CLU: variants seen among roughly 807,000 people sequenced by gnomAD.
CLU encodes the protein clusterin.
In CLU, 25 loss-of-function variants were observed where a neutral mutation model predicts 46.4. The observed-to-expected ratio is 0.54, with a 90% CI of 0.39 to 0.75. The LOEUF is 0.75. Among genes scored for constraint, CLU ranks in the 30% least tolerant of loss-of-function variants. CLU has a pLI of 0.00. For missense variants in CLU, 504 were observed against 592.1 expected, an observed-to-expected ratio of 0.85 and a Z score of 1.54; for synonymous variants, 235 against 235.1, an observed-to-expected ratio of 1.00 and a Z score of 0.00.
intron 1 of CLU, chr8:27,614,407 A>ACC (rs200099845): frequency 3.1e-5 from 9 of 288,512 alleles, no homozygotes; most frequent in Middle Eastern, 1.3e-3. Flanking sequence ...TGTTCTATTT[A>ACC]CCCCCCCACC....
intron 4 of CLU, among the ~76,000 whole-genome samples, chr8:27,605,903 G>A (rs565435768): frequency 2.6e-4 from 40 of 152,220 alleles, no homozygotes; most frequent in African/African-American, 9.4e-4. Flanking sequence ...AGCTGGGTGT[G>A]GTGGTACGTG....
Position 27,596,927 on chromosome 8 carries a change from AAC to A in CLU, c.*1312_*1313del. ...GTGGAAAAGAAAAAGTAACTTTTGA[AAC>A]AGTGTGACATTAATGTGACAATGTG... On this transcript the variant is annotated 3_prime_UTR_variant, in exon 9 of 9. Coordinates refer to ENST00000316403, the MANE Select transcript of CLU (RefSeq NM_001831.4). The A allele has an allele frequency of 2.2e-6, 1 of 450,448 alleles. No individual in the cohort carries two copies. Among genetic ancestry groups the A allele is most frequent in the South Asian group, 1.6e-5 (1 of 64,176 alleles). 27.9% of individuals were successfully genotyped at this position (450,448 alleles called of 1,614,324 possible).
At chr8:27,608,144 C>A (rs773053887) in intron 3 of CLU, among the ~76,000 whole-genome samples, 1 of 152,156 alleles carries the variant, frequency 6.6e-6, no homozygotes, top group Non-Finnish European at 1.5e-5. Flanking sequence ...GGCCAGCAAT[C>A]CCTGAAGTGG....
At chr8:27,598,825 GACACTCATGT>G in intron 7 of CLU, 190 bp from the exon 8 acceptor site, 2 of 623,038 alleles carry the variant, frequency 3.2e-6, no homozygotes, top group South Asian at 3.8e-5. Flanking sequence ...CTGGTTCACA[GACACTCATGT>G]GTTGGGGCAA....
chr8:27,611,020 A>G (rs1585257026), intron 1 of CLU: 2 of 368,608 alleles, frequency 5.4e-6, no homozygotes, highest in East Asian at 7.3e-5. Context: ...TCCCCATGCC[A>G]CCTCCACAGA....
Position 27,598,154 on chromosome 8 carries a change from T to A in CLU, c.*87A>T, listed in dbSNP as rs1039833032. 2 of 1,423,520 alleles carry A rather than the reference T, an allele frequency of 1.4e-6. No individual in the cohort carries two copies. The highest frequency in any genetic ancestry group is 2.8e-5 in the African/African-American group (2 of 71,052). The allele number at this position is 1,423,520 out of a possible 1,614,324, so 88.2% of individuals were successfully genotyped here. ...GCTGGGGCCTGGTTACTTGGTGACG[T>A]GCAGAGCTCTCTCTGGGGGGCTGCA... On this transcript the variant is annotated 3_prime_UTR_variant, in exon 9 of 9. Transcript: ENST00000316403.
chr8:27,611,294 A>G, intron 1 of CLU: 1 of 454,892 alleles, frequency 2.2e-6, no homozygotes, highest in African/African-American at 2.0e-5. Context: ...CCCTTCGGAG[A>G]GTAGAGAGGG....
chr8:27,613,723 TACTC>T (rs1251525787), intron 1 of CLU: 1 of 152,222 alleles, frequency 6.6e-6, no homozygotes, highest in African/African-American at 2.4e-5. Flanking sequence ...ATACTCCACT[TACTC>T]ACGGACCTAA....
At chr8:27,601,180 T>C (rs191654282) in intron 6 of CLU, among the ~76,000 whole-genome samples, 136 of 152,258 alleles carry the variant, frequency 8.9e-4, no homozygotes, top group Admixed American at 3.6e-3. Flanking sequence ...TCCAGAGTAG[T>C]TGGGATTACA....
chr8:27,610,486 TTGTC>T lies in CLU; in HGVS notation c.82_85del (p.Asp28MetfsTer25), dbSNP rs1800903490. Reference sequence around the variant, plus strand: ...CTTGGTCTACTCACCCTGGAGCTCATTGTCTGAGACCGTCTGGTCCCCCAGGACC... The same window carrying T: ...CTTGGTCTACTCACCCTGGAGCTCATTGAGACCGTCTGGTCCCCCAGGACC... On this transcript the variant is annotated frameshift_variant, in exon 2 of 9. Coordinates refer to ENST00000316403, the MANE Select transcript of CLU (RefSeq NM_001831.4). LOFTEE classifies it high-confidence loss of function. 1 of 1,613,880 alleles carries T rather than the reference TTGTC, an allele frequency of 6.2e-7. No individual in the cohort carries two copies. Among genetic ancestry groups the T allele is most frequent in the African/African-American group, 1.3e-5 (1 of 74,934 alleles).
intron 4 of CLU, among the ~76,000 whole-genome samples, chr8:27,605,802 A>G (rs908362076): frequency 2.0e-5 from 3 of 152,176 alleles, no homozygotes; most frequent in African/African-American, 7.2e-5. Flanking sequence ...TTGGGAGGCC[A>G]AGGTAGGAGG....
intron 1 of CLU, chr8:27,611,194 A>G (rs1471541374): frequency 2.2e-6 from 1 of 453,986 alleles, no homozygotes; most frequent in Non-Finnish European, 4.4e-6. Context: ...AGCCCTTCAC[A>G]CCGAATCCAT....
chr8:27,604,918 T>G lies in CLU; in HGVS notation c.829+6A>C. 6.2e-7 allele frequency: 1 copy of G among 1,614,102 alleles called. No individual in the cohort carries two copies. Among genetic ancestry groups the G allele is most frequent in the Non-Finnish European group, 8.5e-7 (1 of 1,180,026 alleles). ...CAAAAGGCCATGAGCTTCCACCCCT[T>G]CTCACCTCGTATGAATTCTGTTGGC... On this transcript the variant is annotated splice_donor_region_variant and intron_variant, in intron 5 of 8. Coordinates refer to ENST00000316403, the MANE Select transcript of CLU (RefSeq NM_001831.4).
chr8:27,605,315 C>G lies in CLU; in HGVS notation c.438G>C (p.Gln146His). The G allele has an allele frequency of 6.2e-7, 1 of 1,614,192 alleles. No individual in the cohort carries two copies. The highest frequency in any genetic ancestry group is 8.5e-7 in the Non-Finnish European group (1 of 1,180,030). ...TCATCCAGAAGTAGAAGGGCGAGCTCTGGTTCAGGAACTCCTCAAGCTGGG... is the reference window on the plus strand; with the variant it reads ...TCATCCAGAAGTAGAAGGGCGAGCTGTGGTTCAGGAACTCCTCAAGCTGGG... ...VGRQLEEFLN[Q>H]SSPFYFWMNG... The change falls in exon 5 of 9, where the codon CAG (glutamine) becomes CAC (histidine). Residue 146 changes from glutamine to histidine, a missense_variant. By Grantham distance (24) the Gln-to-His change is conservative. Coordinates refer to ENST00000316403, the MANE Select transcript of CLU (RefSeq NM_001831.4).
intron 1 of CLU, 112 bp downstream of exon 1, chr8:27,614,543 G>C: frequency 5.3e-6 from 2 of 378,378 alleles, no homozygotes; most frequent in South Asian, 4.2e-5. Flanking sequence ...CGAAAGCGCA[G>C]GGGTTGTGAC....
Position 27,597,973 on chromosome 8 carries a change from T to G in CLU, c.*268A>C, listed in dbSNP as rs1800638323. 1.5e-6 allele frequency: 1 copy of G among 653,700 alleles called. No homozygotes were observed. The allele number at this position is 653,700 out of a possible 1,614,324, so 40.5% of individuals were successfully genotyped here. A position where few individuals can be genotyped will look rare whatever the true frequency, so the allele number is the denominator to read the frequency against. On this transcript the variant is annotated 3_prime_UTR_variant, in exon 9 of 9. Coordinates refer to ENST00000316403, the MANE Select transcript of CLU (RefSeq NM_001831.4). ...CATGCCGGGAAGCAGCAACTCAACA[T>G]AAAAAGAGGACCCTCCAAGCGATCA... is the stretch of plus-strand genomic sequence containing the variant.
rs770127582 is a variant in CLU, at chr8:27,598,178, C to T, written c.*63G>A. The T allele has an allele frequency of 6.3e-7, 1 of 1,575,566 alleles. No individual in the cohort carries two copies. Among genetic ancestry groups the T allele is most frequent in the South Asian group, 1.1e-5 (1 of 89,772 alleles). On this transcript the variant is annotated 3_prime_UTR_variant, in exon 9 of 9. Transcript: ENST00000316403. The stretch of plus-strand genomic sequence containing the variant: ...GTGCAGAGCTCTCTCTGGGGGGCTG[C>T]AGCTCATCTTGGGGGGAGCTGGACT...
rs1443898354 is a variant in CLU at position 27,610,547 on chromosome 8, C to A, written c.25G>T (p.Val9Leu). The A allele has an allele frequency of 6.2e-7, 1 of 1,614,250 alleles. No individual in the cohort carries two copies. Among genetic ancestry groups the A allele is most frequent in the East Asian group, 2.2e-5 (1 of 44,882 alleles). The change falls in exon 2 of 9, where the codon GTG (valine) becomes TTG (leucine). Residue 9 changes from valine (V) to leucine (L), a missense_variant. Coordinates refer to ENST00000316403, the MANE Select transcript of CLU (RefSeq NM_001831.4). ...CTCTCCCAGGTCAGCAGCAGCCCCA[C>A]AAACAGCAGCAGAGTCTTCATCATG... MMKTLLLF[V>L]GLLLTWESGQ... is the part of the protein sequence containing the mutation.
intron 3 of CLU, chr8:27,608,551 C>A: frequency 2.7e-6 from 1 of 373,788 alleles, no homozygotes; most frequent in Non-Finnish European, 5.0e-6. Flanking sequence ...GTGCTGTGTG[C>A]CTGCCTTAAC....
Sources: gnomAD v4.1 joint callset for allele counts (sites outside exome capture counted in the v4.1 genomes callset) on GRCh38, gnomAD v4.1.1 for gene constraint, MANE v1.5 for transcripts, NCBI Gene and HGNC (gene_info 2026-07-23, HGNC 2026-07-21) for gene names.